CAPS2: variants seen among roughly 807,000 people sequenced by gnomAD.
CAPS2 encodes calcyphosine 2.
Under a neutral mutation model 86.5 loss-of-function variants are expected in CAPS2, and 98 were observed. The observed-to-expected ratio is 1.13, with a 90% CI of 0.96 to 1.34. The LOEUF is 1.34. Ranked by LOEUF, CAPS2 falls within the 40% of genes most tolerant of loss-of-function variation. The pLI is 0.00. For synonymous variants in CAPS2, 210 were observed against 225.1 expected, an observed-to-expected ratio of 0.93 and a Z score of 0.60; for missense variants, 729 against 686.8, an observed-to-expected ratio of 1.06 and a Z score of -0.69.
At chr12:75,361,690 G>A (rs2043604755) in intron 1 of CAPS2, among the ~76,000 whole-genome samples, 1 of 152,206 alleles carries the variant, frequency 6.6e-6, no homozygotes, top group East Asian at 1.9e-4. Flanking sequence ...AGAGATAAGA[G>A]AGAAGGAGGA....
At chr12:75,294,150 T>A (rs1260199803) in intron 11 of CAPS2, among the ~76,000 whole-genome samples, 2 of 152,078 alleles carry the variant, frequency 1.3e-5, no homozygotes, top group African/African-American at 4.8e-5. Context: ...TTCACCATGT[T>A]GGTCAGGCTG....
intron 14 of CAPS2, among the ~76,000 whole-genome samples, chr12:75,286,355 T>A (rs1000266789): frequency 1.3e-5 from 2 of 151,984 alleles, no homozygotes; most frequent in African/African-American, 4.8e-5. Context: ...ACCTTTAAAA[T>A]CATGAGTAAT....
intron 1 of CAPS2, among the ~76,000 whole-genome samples, chr12:75,387,742 C>G: frequency 6.6e-6 from 1 of 152,122 alleles, no homozygotes; most frequent in Admixed American, 6.5e-5. Context: ...TCCATTAACC[C>G]ATTAATCTAC....
At chr12:75,367,307 TCG>T in intron 1 of CAPS2, among the ~76,000 whole-genome samples, 1 of 151,366 alleles carries the variant, frequency 6.6e-6, no homozygotes, top group Non-Finnish European at 1.5e-5. Context: ...TTTGACTCTT[TCG>T]TAGTAACACT....
intron 1 of CAPS2, chr12:75,363,261 T>A (rs1189398776): frequency 5.6e-6 from 4 of 708,054 alleles, no homozygotes; most frequent in Non-Finnish European, 8.3e-6. Context: ...AATTTTAAAA[T>A]TTGGCTTCTC....
intron 1 of CAPS2, among the ~76,000 whole-genome samples, chr12:75,353,174 G>T (rs1037546060): frequency 3.3e-5 from 5 of 151,860 alleles, no homozygotes; most frequent in African/African-American, 9.6e-5. Context: ...ATACAAACAA[G>T]AAAAACCCTT....
chr12:75,369,849 T>C (rs947680870), intron 1 of CAPS2: 11 of 1,335,664 alleles, frequency 8.2e-6, no homozygotes, highest in Middle Eastern at 2.8e-4. Flanking sequence ...TGTTAAAAAG[T>C]CAAACTAATT....
At chr12:75,312,979 A>C in intron 6 of CAPS2, 64 bp from the exon 7 acceptor site, 1 of 872,146 alleles carries the variant, frequency 1.1e-6, no homozygotes, top group Non-Finnish European at 1.9e-6. Context: ...TACTTAACAC[A>C]AAAGTTCTAA....
At chr12:75,341,221 A>G (rs2042082897) in intron 1 of CAPS2, among the ~76,000 whole-genome samples, 1 of 152,182 alleles carries the variant, frequency 6.6e-6, no homozygotes, top group African/African-American at 2.4e-5. Context: ...GACTCTATAC[A>G]TGTTTGTAAT....
At chr12:75,370,591 T>G (rs543016093) in intron 1 of CAPS2, 1 of 156,154 alleles carries the variant, frequency 6.4e-6, no homozygotes, top group East Asian at 1.8e-4. Flanking sequence ...AGATAGCATG[T>G]AATGTTATAC....
chr12:75,290,017 T>C (rs756224065), intron 13 of CAPS2, among the ~76,000 whole-genome samples: 1 of 152,224 alleles, frequency 6.6e-6, no homozygotes, highest in South Asian at 2.1e-4. Flanking sequence ...GGAAGTGGTA[T>C]GTTTTTAAAA....
In CAPS2 at chr12:75,357,974, A is replaced by T. The variant is rs572833436; in HGVS notation, c.-395+32864T>A. ...AAAAAGACAAAAGTAAATCTAAAGT[A>T]AAAAAAAAAAAGTAATAACAAAAAT... On this transcript the variant is annotated intron_variant, in intron 1 of 5. Coordinates refer to the CAPS2 transcript ENST00000551829. Among the ~76,000 whole-genome samples the T allele has an allele frequency of 2.3e-4, 34 of 145,054 alleles. 2 individuals are homozygous for T. The South Asian group carries it at 7.3e-3, about 31-fold the overall frequency.
At chr12:75,333,835 T>C (rs2041515319), upstream of CAPS2, 1 of 152,016 alleles carries the variant, frequency 6.6e-6, no homozygotes, top group Non-Finnish European at 1.5e-5. Context: ...ATAGAAATAC[T>C]AAAAAAAATT....
At chr12:75,289,484 T>A in intron 14 of CAPS2, 137 bp downstream of exon 14, 1 of 714,280 alleles carries the variant, frequency 1.4e-6, no homozygotes, top group South Asian at 2.3e-5. Flanking sequence ...ACAGGGCTTG[T>A]AACCTGATAG....
At chr12:75,347,879 G>A (rs1159360405) in intron 1 of CAPS2, among the ~76,000 whole-genome samples, 1 of 152,048 alleles carries the variant, frequency 6.6e-6, no homozygotes, top group Non-Finnish European at 1.5e-5. Context: ...AGAAGATGGT[G>A]ACAGAATATT....
chr12:75,313,618 T>C (rs1468110293), intron 6 of CAPS2, among the ~76,000 whole-genome samples: 3 of 152,166 alleles, frequency 2.0e-5, no homozygotes, highest in Non-Finnish European at 4.4e-5. Flanking sequence ...ATCCTGCAAC[T>C]ATAATGACTA....
intron 5 of CAPS2, among the ~76,000 whole-genome samples, chr12:75,316,850 A>G (rs2039821726): frequency 6.6e-6 from 1 of 152,194 alleles, no homozygotes. Context: ...TTAAATTCAG[A>G]AATAAAATAC....
chr12:75,328,301 G>A (rs889245075), upstream of CAPS2, among the ~76,000 whole-genome samples: 7 of 152,094 alleles, frequency 4.6e-5, no homozygotes, highest in South Asian at 2.1e-4. Context: ...CCACACATCA[G>A]TCTCTCAATT....
chr12:75,291,149 A>G (rs904009675), intron 13 of CAPS2, among the ~76,000 whole-genome samples: 5 of 151,802 alleles, frequency 3.3e-5, no homozygotes, highest in African/African-American at 1.2e-4. Context: ...AAGTACTATC[A>G]TCCCTATTTT....
Sources: allele counts gnomAD v4.1 joint callset (sites outside exome capture counted in the v4.1 genomes callset), GRCh38; gene constraint gnomAD v4.1.1; transcripts MANE v1.5; gene names NCBI Gene and HGNC (gene_info 2026-07-23, HGNC 2026-07-21).